The following GULP1 variants were observed in gnomAD, a reference collection of about 807,000 sequenced individuals.
GULP1 encodes the protein PTB domain-containing engulfment adapter protein 1.
In GULP1, 19 loss-of-function variants were observed where a neutral mutation model predicts 40.9. The observed-to-expected ratio is 0.46, with a 90% CI of 0.32 to 0.68. The LOEUF is 0.68. Among genes scored for constraint, GULP1 ranks in the 30% least tolerant of loss-of-function variants. The probability of loss-of-function intolerance (pLI) is 0.03; values close to 1 mark genes in which losing one functional copy is unlikely to be tolerated. For missense variants in GULP1, 312 were observed against 362.2 expected (o/e 0.86, Z 1.12); for synonymous variants, 119 against 117.6 (o/e 1.01, Z -0.08).
chr2:188,578,056 G>A lies in GULP1; in HGVS notation c.610-6209G>A, dbSNP rs550053676. On this transcript the variant is annotated intron_variant, in intron 9 of 11. Coordinates refer to ENST00000409830, the MANE Select transcript of GULP1 (RefSeq NM_016315.4). The stretch of plus-strand genomic sequence containing the variant: ...TAGAATTTTGAACCCTGCCATTTTA[G>A]TAATTGTGATAAATTATATTTTAAT... Among the ~76,000 whole-genome samples the A allele has an allele frequency of 9.2e-5, 14 of 151,826 alleles. No homozygotes were observed. In the South Asian group the frequency reaches 2.9e-3, roughly 32 times the overall value.
chr2:188,501,138 C>G (rs559927843), intron 4 of GULP1, among the ~76,000 whole-genome samples: 3 of 152,032 alleles, frequency 2.0e-5, no homozygotes, highest in Admixed American at 2.0e-4. Context: ...TGTTTTGGCT[C>G]TGTATCCTCA....
At chr2:188,294,545 G>T (rs751762667) in intron 1 of GULP1, among the ~76,000 whole-genome samples, 8 of 152,096 alleles carry the variant, frequency 5.3e-5, no homozygotes, top group Admixed American at 1.3e-4. Flanking sequence ...CTTCAGAGAG[G>T]TGGGTTGTAG....
intron 2 of GULP1, among the ~76,000 whole-genome samples, chr2:188,457,000 C>T (rs2152943816): frequency 6.6e-6 from 1 of 152,216 alleles, no homozygotes; most frequent in Non-Finnish European, 1.5e-5. Flanking sequence ...GCCTGTAGTC[C>T]CTTGGTTTTG....
chr2:188,296,064 A>G (rs909817654), intron 1 of GULP1, among the ~76,000 whole-genome samples: 8 of 152,154 alleles, frequency 5.3e-5, no homozygotes, highest in Admixed American at 4.6e-4. Flanking sequence ...AAAGATAGTT[A>G]CAGAAGCTAA....
At chr2:188,589,929 A>C in intron 11 of GULP1, 1 of 388,816 alleles carries the variant, frequency 2.6e-6, no homozygotes, top group Non-Finnish European at 4.6e-6. Flanking sequence ...TTTTTCAGTG[A>C]CTTAGTCACT....
chr2:188,372,288 T>C (rs183846152), intron 1 of GULP1, among the ~76,000 whole-genome samples: 1 of 152,232 alleles, frequency 6.6e-6, no homozygotes, highest in Admixed American at 6.5e-5. Flanking sequence ...TTCTACTTAC[T>C]AATAGATTCA....
chr2:188,304,679 T>C (rs2036742424), intron 1 of GULP1, among the ~76,000 whole-genome samples: 1 of 152,222 alleles, frequency 6.6e-6, no homozygotes, highest in South Asian at 2.1e-4. Context: ...GCTCGATTCC[T>C]TCTTTTTTGT....
intron 4 of GULP1, among the ~76,000 whole-genome samples, chr2:188,510,168 A>G (rs1455813581): frequency 6.6e-6 from 1 of 152,120 alleles, no homozygotes; most frequent in Non-Finnish European, 1.5e-5. Flanking sequence ...CTGCAAATAA[A>G]TATATTTAGT....
intron 7 of GULP1, among the ~76,000 whole-genome samples, chr2:188,556,055 C>G (rs938475624): frequency 7.0e-6 from 1 of 143,854 alleles, no homozygotes; most frequent in African/African-American, 2.6e-5. Flanking sequence ...GAGACTCTGT[C>G]TCAAAAAAAA....
At chr2:188,425,952 G>T (rs2056140435) in intron 2 of GULP1, among the ~76,000 whole-genome samples, 2 of 152,064 alleles carry the variant, frequency 1.3e-5, no homozygotes, top group South Asian at 4.1e-4. Flanking sequence ...CATTTAAAGT[G>T]GTTTATTCTG....
chr2:188,499,133 G>GCATA (rs1553571322), intron 4 of GULP1, among the ~76,000 whole-genome samples: 7 of 120,716 alleles, frequency 5.8e-5, no homozygotes, highest in Non-Finnish European at 1.2e-4. Flanking sequence ...ATATATGTGT[G>GCATA]TGTATATATA....
At chr2:188,358,297 A>G (rs6748075) in intron 1 of GULP1, among the ~76,000 whole-genome samples, 3,420 of 152,290 alleles carry the variant, frequency 0.022, 138 homozygotes, top group African/African-American at 0.078. Context: ...TTGTTTTTAT[A>G]GAAGTAGAGA....
At chr2:188,338,710 A>G (rs975359595) in intron 1 of GULP1, among the ~76,000 whole-genome samples, 2 of 152,304 alleles carry the variant, frequency 1.3e-5, no homozygotes, top group East Asian at 3.9e-4. Context: ...GGCTTCTAAA[A>G]TTTATGTGTT....
chr2:188,547,409 A>C (rs1482274292), intron 7 of GULP1, among the ~76,000 whole-genome samples: 1 of 152,112 alleles, frequency 6.6e-6, no homozygotes, highest in Non-Finnish European at 1.5e-5. Context: ...ACACAATCAC[A>C]AGGTCCCACA....
chr2:188,431,067 A>T (rs191956508), intron 2 of GULP1, among the ~76,000 whole-genome samples: 1 of 152,114 alleles, frequency 6.6e-6, no homozygotes, highest in African/African-American at 2.4e-5. Context: ...AAACTCCCCC[A>T]TATATACACC....
chr2:188,412,485 G>T (rs2054028556), intron 2 of GULP1, among the ~76,000 whole-genome samples: 1 of 152,004 alleles, frequency 6.6e-6, no homozygotes, highest in Non-Finnish European at 1.5e-5. Flanking sequence ...TTAACTTCCA[G>T]TTTAATGGAA....
At chr2:188,438,244 A>G (rs1429068255) in intron 2 of GULP1, among the ~76,000 whole-genome samples, 2 of 151,998 alleles carry the variant, frequency 1.3e-5, no homozygotes, top group African/African-American at 4.8e-5. Flanking sequence ...TCAGCCCCCA[A>G]CTTGCACTTG....
intron 1 of GULP1, among the ~76,000 whole-genome samples, chr2:188,378,281 A>G (rs1479251822): frequency 6.7e-6 from 1 of 150,302 alleles, no homozygotes; most frequent in Admixed American, 6.7e-5. Context: ...CTATATAGAA[A>G]AAAAAAAAAA....
intron 7 of GULP1, among the ~76,000 whole-genome samples, chr2:188,545,587 G>C (rs926522201): frequency 4.6e-5 from 7 of 151,706 alleles, no homozygotes; most frequent in African/African-American, 1.7e-4. Context: ...TGTATAATGA[G>C]ATACACTTAA....
Sources: gnomAD v4.1 joint callset for allele counts (sites outside exome capture counted in the v4.1 genomes callset) on GRCh38, gnomAD v4.1.1 for gene constraint, MANE v1.5 for transcripts, NCBI Gene and HGNC (gene_info 2026-07-23, HGNC 2026-07-21) for gene names.